Variants in NR2E3 observed in about 807,000 individuals in gnomAD.
NR2E3 encodes nuclear receptor subfamily 2 group E member 3, also known as photoreceptor-specific nuclear receptor.
In NR2E3, 38 loss-of-function variants were observed where a neutral mutation model predicts 37.6. That is an observed-to-expected ratio of 1.01 (90% CI 0.78 to 1.33). NR2E3 has a LOEUF of 1.33. Among genes scored for constraint, NR2E3 ranks in the 40% most tolerant of loss-of-function variants. The pLI is 0.00. For missense variants in NR2E3, 562 were observed against 558.7 expected, an observed-to-expected ratio of 1.01 and a Z score of -0.06; for synonymous variants, 235 against 225.1, an observed-to-expected ratio of 1.04 and a Z score of -0.39.
At position 71,813,591 on chromosome 15, in the gene NR2E3, C is replaced by T. The variant is rs2054204439; in HGVS notation, c.950C>T (p.Pro317Leu). ...ISRFRALAVDPTEFACMKALV... is the reference protein window; with the variant it reads ...ISRFRALAVDLTEFACMKALV... Reference sequence around the variant, plus strand: ...CGGTTCCGGGCATTGGCGGTGGACCCCACGGAGTTTGCCTGCATGAAGGCC... The same window carrying T: ...CGGTTCCGGGCATTGGCGGTGGACCTCACGGAGTTTGCCTGCATGAAGGCC... The change falls in exon 6 of 8, where the codon CCC becomes CTC. Residue 317 changes from proline to leucine, a missense_variant. Transcript: ENST00000617575. The surrounding 1 kb of genome is among the most constrained non-coding windows in gnomAD (Gnocchi z 4.7). 1.9e-6 allele frequency: 3 copies of T among 1,613,950 alleles called. No individual in the cohort carries two copies. The highest frequency in any genetic ancestry group is 2.5e-6 in the Non-Finnish European group (3 of 1,179,874).
At chr15:71,810,901 T>C (rs373055255) in intron 1 of NR2E3, 40 bp downstream of exon 1, 6 of 1,513,192 alleles carry the variant, frequency 4.0e-6, no homozygotes, top group Non-Finnish European at 4.4e-6. Context: ...TCTGGGCCCT[T>C]GGGGAGCAGG....
At chr15:71,812,636 G>T (rs756115681) in intron 5 of NR2E3, 125 bp downstream of exon 5, 4 of 842,486 alleles carry the variant, frequency 4.7e-6, no homozygotes, top group Non-Finnish European at 7.2e-6. Context: ...GATGGTGATG[G>T]CTGGGGACAC....
chr15:71,814,735 G>C (rs763343630), intron 7 of NR2E3: 4 of 985,778 alleles, frequency 4.1e-6, no homozygotes, highest in Middle Eastern at 5.2e-4. Context: ...TGGACCTCAC[G>C]CAGACTGGCA....
chr15:71,818,241 ACAAAAAAAAC>A lies in NR2E3; in HGVS notation c.*560_*569del, dbSNP rs2054242735. On this transcript the variant is annotated 3_prime_UTR_variant, in exon 8 of 8. Transcript: ENST00000617575. The stretch of plus-strand genomic sequence containing the variant: ...CTCAATAAAAAAGTAAAAAAAAAAA[ACAAAAAAAAC>A]CAGAAAAATGAGTGTGGTCAAGGCT... 1 of 151,862 alleles carries A rather than the reference ACAAAAAAAAC, an allele frequency of 6.6e-6. No homozygotes were observed. The highest frequency in any genetic ancestry group is 1.5e-5 in the Non-Finnish European group (1 of 68,036). The allele number at this position is 151,862 out of a possible 1,614,324, so 9.4% of individuals were successfully genotyped here.
rs569188784 is a variant in NR2E3, at chr15:71,817,747, G to C, written c.*63G>C. The C allele has an allele frequency of 9.6e-5, 143 of 1,483,116 alleles. No individual in the cohort carries two copies. In the African/African-American group the frequency reaches 1.9e-3, roughly 20 times the overall value. The allele number at this position is 1,483,116 out of a possible 1,614,324, so 91.9% of individuals were successfully genotyped here. On this transcript the variant is annotated 3_prime_UTR_variant, in exon 8 of 8. Transcript: ENST00000617575. ...AACAATCTACTGAAACGAAACATTT[G>C]CCTACTCTTTGCCCCAGCAATTCCT...
intron 7 of NR2E3, chr15:71,814,574 T>C: frequency 1.1e-6 from 1 of 943,824 alleles, no homozygotes; most frequent in Non-Finnish European, 1.3e-6. Context: ...GTATAACAGG[T>C]TCCTGCCAGT....
rs1488679790 is a variant in NR2E3 at position 71,811,870 on chromosome 15, G to A, written c.349+1G>A. On this transcript the variant is annotated splice_donor_variant, in intron 3 of 7. Transcript: ENST00000617575. LOFTEE classifies it high-confidence loss of function. This position sits in a 1 kb window ranked among gnomAD's most constrained non-coding sequence, Gnocchi z 5.6. Reference sequence around the variant, plus strand: ...CTGCAGGCGGGGATGAACCAGGACGGTGAGGCGGGGGCTGGCCCGGGGGGA... The same window carrying A: ...CTGCAGGCGGGGATGAACCAGGACGATGAGGCGGGGGCTGGCCCGGGGGGA... The A allele has an allele frequency of 1.3e-6, 2 of 1,551,030 alleles. No individual in the cohort carries two copies. The highest frequency in any genetic ancestry group is 1.2e-5 in the South Asian group (1 of 84,054).
intron 7 of NR2E3, among the ~76,000 whole-genome samples, chr15:71,815,991 G>C (rs979369707): frequency 6.6e-6 from 1 of 152,188 alleles, no homozygotes; most frequent in Non-Finnish European, 1.5e-5. Context: ...TATACGACTT[G>C]CTCAGTGCTG....
At position 71,814,137 on chromosome 15, in the gene NR2E3, A is replaced by G. The variant is rs1028608437; in HGVS notation, c.1100+20A>G. ...CGTGAGGTGACCTGAGCATGCGCCCACCCACTCATCTGTCCCTGACCTCTA... is the reference window on the plus strand; with the variant it reads ...CGTGAGGTGACCTGAGCATGCGCCCGCCCACTCATCTGTCCCTGACCTCTA... On this transcript the variant is annotated intron_variant, in intron 7 of 7. Transcript: ENST00000617575. The G allele has an allele frequency of 1.2e-6, 2 of 1,603,652 alleles. No homozygotes were observed.
rs768104512 is a variant in NR2E3 at position 71,811,493 on chromosome 15, C to T, written c.129C>T (p.Pro43=). Residue 43 remains proline (P), a synonymous_variant, in exon 2 of 8, where the codon CCC becomes CCT. Transcript: ENST00000617575. The surrounding 1 kb of genome is among the most constrained non-coding windows in gnomAD (Gnocchi z 5.6). ...GLGEDPTGVS[P]SLQCRVCGDS... ...CCCCCTGCCCCTCAGGCGTGAGCCC[C>T]TCGCTCCAGTGCCGCGTGTGCGGAG... 3.8e-6 allele frequency: 6 copies of T among 1,558,776 alleles called. No individual in the cohort carries two copies. The highest frequency in any genetic ancestry group is 5.2e-6 in the Non-Finnish European group (6 of 1,151,968).
In NR2E3 at chr15:71,813,757, G is replaced by A. The variant is rs1202875722; in HGVS notation, c.994+122G>A. The A allele has an allele frequency of 2.0e-6, 3 of 1,521,104 alleles. No individual in the cohort carries two copies. Among genetic ancestry groups the A allele is most frequent in the African/African-American group, 2.7e-5 (2 of 73,400 alleles). The allele number at this position is 1,521,104 out of a possible 1,614,324, so 94.2% of individuals were successfully genotyped here. ...TAGGCCTCTATCCTGGGGGGTGGGA[G>A]GAGAGTGGTGAGGCTGGACTCCCTT... On this transcript the variant is annotated intron_variant, in intron 6 of 7. Transcript: ENST00000617575. This position sits in a 1 kb window ranked among gnomAD's most constrained non-coding sequence, Gnocchi z 4.7.
rs2054237411 is a variant in NR2E3, at chr15:71,817,634, A to G, written c.1183A>G (p.Ile395Val). 1 of 1,610,690 alleles carries G rather than the reference A, an allele frequency of 6.2e-7. No individual in the cohort carries two copies. Among genetic ancestry groups the G allele is most frequent in the Non-Finnish European group, 8.5e-7 (1 of 1,177,044 alleles). The change falls in exon 8 of 8, where the codon ATA (isoleucine) becomes GTA (valine). Residue 395 changes from isoleucine to valine, a missense_variant. Coordinates refer to ENST00000617575, the MANE Select transcript of NR2E3 (RefSeq NM_014249.4). ...RIELLFFRKT[I>V]GNTPMEKLLC... is the part of the protein sequence containing the mutation. Reference sequence around the variant, plus strand: ...CGAGCTCCTCTTTTTCCGCAAGACCATAGGGAATACTCCAATGGAGAAGCT... The same window carrying G: ...CGAGCTCCTCTTTTTCCGCAAGACCGTAGGGAATACTCCAATGGAGAAGCT...
At position 71,811,618 on chromosome 15, in the gene NR2E3, G is replaced by A. The variant is rs538864090; in HGVS notation, c.245+9G>A. 94 of 1,602,090 alleles carry A rather than the reference G, an allele frequency of 5.9e-5. No homozygotes were observed. Among genetic ancestry groups the A allele is most frequent in the East Asian group, 3.8e-4 (17 of 44,228 alleles). On this transcript the variant is annotated intron_variant, in intron 2 of 7. Coordinates refer to ENST00000617575, the MANE Select transcript of NR2E3 (RefSeq NM_014249.4). This position sits in a 1 kb window ranked among gnomAD's most constrained non-coding sequence, Gnocchi z 5.6. ...CGGAGGCTCATCTACAGGTGAGTGCGGTGGGCCCTGCTGGGCGTCTGCCCC... is the reference window on the plus strand; with the variant it reads ...CGGAGGCTCATCTACAGGTGAGTGCAGTGGGCCCTGCTGGGCGTCTGCCCC...
chr15:71,818,070 A>C lies in NR2E3; in HGVS notation c.*386A>C, dbSNP rs997897400. On this transcript the variant is annotated 3_prime_UTR_variant, in exon 8 of 8. Coordinates refer to ENST00000617575, the MANE Select transcript of NR2E3 (RefSeq NM_014249.4). Reference sequence around the variant, plus strand: ...AATAATAGAAGTTGGAATAGTGGTTACTTCTGGGTGGTGGGGGATTGATAC... The same window carrying C: ...AATAATAGAAGTTGGAATAGTGGTTCCTTCTGGGTGGTGGGGGATTGATAC... 3.7e-5 allele frequency: 6 copies of C among 162,498 alleles called. No individual in the cohort carries two copies. Among genetic ancestry groups the C allele is most frequent in the African/African-American group, 1.4e-4 (6 of 41,830 alleles). 10.1% of individuals were successfully genotyped at this position (162,498 alleles called of 1,614,324 possible).
chr15:71,812,406 C>T lies in NR2E3; in HGVS notation c.642C>T (p.Pro214=), dbSNP rs778657206. Residue 214 remains proline (P), a synonymous_variant, in exon 5 of 8, where the codon CCC becomes CCT. Transcript: ENST00000617575. ...CCTCTCCATACTCCTCTTCCTCCCC[C>T]TGCGGCCTGGACAGCATCCATGAGA... ...FPSSPYSSSS[P]CGLDSIHETS... is the part of the protein sequence containing the mutation. 3.1e-6 allele frequency: 5 copies of T among 1,613,874 alleles called. No individual in the cohort carries two copies. The highest frequency in any genetic ancestry group is 3.3e-5 in the Admixed American group (2 of 60,002).
At position 71,811,590 on chromosome 15, in the gene NR2E3, C is replaced by A. The variant is rs104894492; in HGVS notation, c.226C>A (p.Arg76=). 4 of 1,603,922 alleles carry A rather than the reference C, an allele frequency of 2.5e-6. No individual in the cohort carries two copies. Among genetic ancestry groups the A allele is most frequent in the Non-Finnish European group, 2.6e-6 (3 of 1,175,874 alleles). The change falls in exon 2 of 8, where the codon CGG becomes AGG. Residue 76 remains arginine (R), a synonymous_variant. Transcript: ENST00000617575. This position sits in a 1 kb window ranked among gnomAD's most constrained non-coding sequence, Gnocchi z 5.6. ...GCSGFFKRSV[R]RRLIYRCQVG... ...CAGCGGCTTCTTCAAGAGGAGCGTA[C>A]GGCGGAGGCTCATCTACAGGTGAGT...
chr15:71,816,584 A>G (rs1353954204), intron 7 of NR2E3, among the ~76,000 whole-genome samples: 1 of 144,534 alleles, frequency 6.9e-6, no homozygotes, highest in Non-Finnish European at 1.5e-5. Flanking sequence ...ATTTAAAACA[A>G]TAAATATTTT....
At chr15:71,816,669 A>G (rs2054228848) in intron 7 of NR2E3, among the ~76,000 whole-genome samples, 1 of 152,178 alleles carries the variant, frequency 6.6e-6, no homozygotes, top group Non-Finnish European at 1.5e-5. Context: ...TCATCATCCT[A>G]GGTGGTATAC....
In NR2E3 at chr15:71,813,987, G is replaced by A. The variant is rs747460481; in HGVS notation, c.995-25G>A. 1 of 1,601,426 alleles carries A rather than the reference G, an allele frequency of 6.2e-7. No individual in the cohort carries two copies. The highest frequency in any genetic ancestry group is 8.5e-7 in the Non-Finnish European group (1 of 1,174,896). On this transcript the variant is annotated intron_variant, in intron 6 of 7. Transcript: ENST00000617575. The surrounding 1 kb of genome is among the most constrained non-coding windows in gnomAD (Gnocchi z 4.7). ...TATAACAGCCGTAAACCTGTGCTAA[G>A]CTCACTGGTGCTGCTTCTCCCCAGA...
Sources: allele counts gnomAD v4.1 joint callset (sites outside exome capture counted in the v4.1 genomes callset), GRCh38; gene constraint gnomAD v4.1.1; non-coding constraint Gnocchi (gnomAD v3.1); transcripts MANE v1.5; gene names NCBI Gene and HGNC (gene_info 2026-07-23, HGNC 2026-07-21).